FRMPD3: variants seen among roughly 807,000 people sequenced by gnomAD.
The protein encoded by FRMPD3 is FERM and PDZ domain-containing protein 3.
In FRMPD3, 42 loss-of-function variants were observed where a neutral mutation model predicts 97.9. That is an observed-to-expected ratio of 0.43 (90% CI 0.34 to 0.55). The LOEUF (loss-of-function observed/expected upper bound fraction) is 0.55, where lower values mean the gene tolerates loss of function less well. FRMPD3 is among the 20% of genes least tolerant of loss of function. FRMPD3 has a pLI of 0.03. For missense variants in FRMPD3, 1,303 were observed against 1,457.7 expected, an observed-to-expected ratio of 0.89 and a Z score of 1.73; for synonymous variants, 577 against 581.1, an observed-to-expected ratio of 0.99 and a Z score of 0.10.
intron 10 of FRMPD3, 32 bp downstream of exon 10, chrX:107,560,885 C>T (rs961411291): frequency 1.7e-6 from 2 of 1,165,243 alleles, no homozygotes; most frequent in Non-Finnish European, 2.3e-6. Flanking sequence ...GCATGGTGCT[C>T]CAGGCACTAC....
intron 1 of FRMPD3, among the ~76,000 whole-genome samples, chrX:107,477,180 T>C (rs1342294740): frequency 8.9e-6 from 1 of 112,808 alleles, no homozygotes; most frequent in Non-Finnish European, 1.9e-5. Context: ...ATCCAACTTA[T>C]TCCCTAGTTT....
At position 107,601,530 on chromosome X, in the gene FRMPD3, G is replaced by C. The variant is rs1924507731; in HGVS notation, c.3491G>C (p.Ser1164Thr). ...AGCCAGTCTCGAGGTCAGAGCCCCA[G>C]CTGCCAACCTCGAGGCCAGAGCCCA... ...PSSQSRGQSP[S>T]CQPRGQSPLR... is the part of the protein sequence containing the mutation. Residue 1164 changes from serine to threonine, a missense_variant, in exon 15 of 15, where the codon AGC (serine) becomes ACC (threonine). Coordinates refer to ENST00000683843, the MANE Select transcript of FRMPD3 (RefSeq NM_001388459.1). The C allele has an allele frequency of 8.5e-7, 1 of 1,178,824 alleles. No homozygotes were observed. Among genetic ancestry groups the C allele is most frequent in the Non-Finnish European group, 1.1e-6 (1 of 880,041 alleles).
chrX:107,538,190 A>G (rs1921089592), intron 4 of FRMPD3, among the ~76,000 whole-genome samples: 1 of 111,784 alleles, frequency 8.9e-6, no homozygotes, highest in Admixed American at 9.5e-5. Context: ...TTGTTTTTAC[A>G]TTTTAACACC....
intron 6 of FRMPD3, among the ~76,000 whole-genome samples, chrX:107,551,346 C>A (rs137975685): frequency 0.011 from 1,269 of 111,645 alleles, 18 homozygotes; most frequent in African/African-American, 0.038. Context: ...CAGAACTAGA[C>A]CACCCAGGAG....
At chrX:107,512,696 TG>T (rs1285898768) in intron 1 of FRMPD3, among the ~76,000 whole-genome samples, 1 of 111,062 alleles carries the variant, frequency 9.0e-6, no homozygotes, top group Non-Finnish European at 1.9e-5. Context: ...ACATGGAGGG[TG>T]GGGGCTGGGG....
At chrX:107,517,926 C>A (rs1255993611) in intron 1 of FRMPD3, among the ~76,000 whole-genome samples, 2 of 108,814 alleles carry the variant, frequency 1.8e-5, no homozygotes, top group African/African-American at 6.7e-5. Flanking sequence ...ATCCAGCTAC[C>A]CAGTTGTGTG....
chrX:107,575,374 C>G (rs1003931395), intron 12 of FRMPD3, among the ~76,000 whole-genome samples: 1 of 111,787 alleles, frequency 8.9e-6, no homozygotes, highest in Non-Finnish European at 1.9e-5. Context: ...ACATATTTGA[C>G]TAAGGAGCTC....
intron 10 of FRMPD3, among the ~76,000 whole-genome samples, chrX:107,562,767 G>C (rs5962849): frequency 0.16 from 17,889 of 111,779 alleles, 3,074 homozygotes; most frequent in African/African-American, 0.51. Flanking sequence ...TGACCAGCAT[G>C]TACATGACTC....
chrX:107,515,668 T>C (rs1426996316), intron 1 of FRMPD3, among the ~76,000 whole-genome samples: 4 of 111,912 alleles, frequency 3.6e-5, no homozygotes, highest in African/African-American at 1.3e-4. Context: ...AAGGGAATTG[T>C]GGAGTAGAGG....
At chrX:107,473,021 C>T (rs1350379384) in intron 1 of FRMPD3, among the ~76,000 whole-genome samples, 2 of 112,382 alleles carry the variant, frequency 1.8e-5, no homozygotes, top group African/African-American at 6.5e-5. Context: ...AACAGGACCC[C>T]TTACCCAAGC....
chrX:107,516,531 G>C (rs780200965), intron 1 of FRMPD3, among the ~76,000 whole-genome samples: 1 of 111,331 alleles, frequency 9.0e-6, no homozygotes, highest in Admixed American at 9.5e-5. Flanking sequence ...ATCCCCTCCA[G>C]CACCTGTTGT....
chrX:107,548,726 C>T (rs1290542355), intron 5 of FRMPD3, among the ~76,000 whole-genome samples: 2 of 112,256 alleles, frequency 1.8e-5, no homozygotes, highest in African/African-American at 3.2e-5. Flanking sequence ...TGCCTGTAGT[C>T]GTAGCTATTT....
At chrX:107,482,727 G>A (rs1268848760) in intron 1 of FRMPD3, among the ~76,000 whole-genome samples, 1 of 112,261 alleles carries the variant, frequency 8.9e-6, no homozygotes, top group African/African-American at 3.2e-5. Flanking sequence ...AGAGAGCAGA[G>A]TCACCAAAGA....
chrX:107,544,631 C>T (rs1388094399), intron 4 of FRMPD3: 1 of 111,405 alleles, frequency 9.0e-6, no homozygotes, highest in Non-Finnish European at 1.9e-5. Context: ...TAAACGCCCC[C>T]CCAAAGACAA....
chrX:107,520,955 T>C (rs1922488729), intron 1 of FRMPD3, among the ~76,000 whole-genome samples: 1 of 111,983 alleles, frequency 8.9e-6, no homozygotes, highest in Admixed American at 9.5e-5. Context: ...CTGATATTAT[T>C]GTTTTCGGCA....
At chrX:107,512,774 T>A in intron 1 of FRMPD3, among the ~76,000 whole-genome samples, 1 of 112,621 alleles carries the variant, frequency 8.9e-6, no homozygotes, top group Non-Finnish European at 1.9e-5. Flanking sequence ...ATTGCTCCAG[T>A]TCCCCCTTGC....
chrX:107,480,037 A>T (rs772429496), intron 1 of FRMPD3, among the ~76,000 whole-genome samples: 7 of 95,746 alleles, frequency 7.3e-5, no homozygotes, highest in South Asian at 4.7e-4. Flanking sequence ...TGTCTCATTT[A>T]AAAAAAAAAA....
chrX:107,501,516 C>G (rs62602999), intron 1 of FRMPD3, among the ~76,000 whole-genome samples: 116 of 1,234 alleles, frequency 0.094, no homozygotes, highest in Non-Finnish European at 0.46. Context: ...CTACAGGCGC[C>G]CGCCACCGCG....
At chrX:107,522,412 G>GT (rs929955412) in intron 1 of FRMPD3, 1 of 556,316 alleles carries the variant, frequency 1.8e-6, no homozygotes, top group African/African-American at 2.2e-5. Flanking sequence ...GGGCTAGGAC[G>GT]TAGAGTGCTG....
Sources: allele counts gnomAD v4.1 joint callset (sites outside exome capture counted in the v4.1 genomes callset), GRCh38; gene constraint gnomAD v4.1.1; transcripts MANE v1.5; gene names NCBI Gene and HGNC (gene_info 2026-07-23, HGNC 2026-07-21).